The following MMP16 variants were observed in gnomAD, a reference collection of about 807,000 sequenced individuals.
MMP16 encodes the protein matrix metalloproteinase-16.
MMP16 carries 12 observed loss-of-function variants against 67.8 expected under a neutral mutation model. The ratio of observed to expected loss-of-function variants is 0.18; its 90% CI spans 0.11 to 0.29. The LOEUF (loss-of-function observed/expected upper bound fraction) is 0.29. Ranked by LOEUF, MMP16 falls within the 10% of genes least tolerant of loss-of-function variation. The pLI, the probability that MMP16 is intolerant of heterozygous loss-of-function variation, is 1.00. For synonymous variants in MMP16, 249 were observed against 255.9 expected (o/e 0.97, Z 0.26); for missense variants, 475 against 765.7 (o/e 0.62, Z 4.48).
chr8:88,293,609 T>G (rs1444215653), intron 1 of MMP16, among the ~76,000 whole-genome samples: 2 of 152,010 alleles, frequency 1.3e-5, no homozygotes, highest in Non-Finnish European at 2.9e-5. Flanking sequence ...GAAATCCTTT[T>G]TAAACATATA....
chr8:88,196,911 A>G (rs1339701434), intron 2 of MMP16, among the ~76,000 whole-genome samples: 1 of 85,442 alleles, frequency 1.2e-5, no homozygotes, highest in Non-Finnish European at 3.7e-5. Flanking sequence ...CTACCTCAAC[A>G]TTTCATTCAT....
rs79028136 is a variant in MMP16 at position 88,234,945 on chromosome 8, C to A, written c.133-37639G>T. On this transcript the variant is annotated intron_variant, in intron 1 of 9. Transcript: ENST00000286614. ...ATGGATCAGGTGTTATTAACCCCAG[C>A]GAGGGCTTCAAAAGGTCCAACTCCC... 8.9e-3 allele frequency among the ~76,000 whole-genome samples: 1,352 copies of A among 152,228 alleles called. 20 individuals carry two copies. The highest frequency in any genetic ancestry group is 0.031 in the African/African-American group (1,293 of 41,526).
chr8:88,312,421 A>G (rs1811309462), intron 1 of MMP16, among the ~76,000 whole-genome samples: 2 of 152,196 alleles, frequency 1.3e-5, no homozygotes, highest in Admixed American at 1.3e-4. Flanking sequence ...GGTTACTAAG[A>G]ACCGGATTAT....
At chr8:88,177,782 A>T (rs1808916671) in intron 3 of MMP16, among the ~76,000 whole-genome samples, 2 of 152,158 alleles carry the variant, frequency 1.3e-5, no homozygotes, top group African/African-American at 4.8e-5. Context: ...AGCCTAATAG[A>T]CTTGTCAGAA....
intron 2 of MMP16, among the ~76,000 whole-genome samples, chr8:88,188,141 A>G (rs1297701867): frequency 6.6e-6 from 1 of 152,228 alleles, no homozygotes; most frequent in African/African-American, 2.4e-5. Flanking sequence ...AGAATTAACA[A>G]ATAAATATTA....
At chr8:88,255,767 A>T (rs1163830090) in intron 1 of MMP16, among the ~76,000 whole-genome samples, 2 of 152,192 alleles carry the variant, frequency 1.3e-5, no homozygotes, top group Non-Finnish European at 2.9e-5. Context: ...GGTGCATGAA[A>T]CATATCAGAC....
At chr8:88,089,371 T>C (rs1188462820) in intron 6 of MMP16, among the ~76,000 whole-genome samples, 3 of 151,974 alleles carry the variant, frequency 2.0e-5, no homozygotes, top group East Asian at 1.9e-4. Flanking sequence ...ACATATCTTC[T>C]TGGTAAAAGG....
At chr8:88,199,702 A>AAT (rs1431628471) in intron 1 of MMP16, among the ~76,000 whole-genome samples, 2 of 151,950 alleles carry the variant, frequency 1.3e-5, no homozygotes, top group Admixed American at 6.6e-5. Context: ...TTGAGATATA[A>AAT]ATATATATGT....
chr8:88,200,906 T>C (rs1186629601), intron 1 of MMP16, among the ~76,000 whole-genome samples: 1 of 151,962 alleles, frequency 6.6e-6, no homozygotes, highest in East Asian at 1.9e-4. Flanking sequence ...TTAAAATATG[T>C]ATCCTTATTT....
chr8:88,217,841 T>G (rs372778606), intron 1 of MMP16, among the ~76,000 whole-genome samples: 3 of 152,088 alleles, frequency 2.0e-5, no homozygotes, highest in African/African-American at 7.2e-5. Context: ...ATAAATCACA[T>G]GGCTGAGCCA....
intron 1 of MMP16, among the ~76,000 whole-genome samples, chr8:88,284,836 CTTTT>C (rs757759799): frequency 1.4e-5 from 2 of 142,834 alleles, no homozygotes; most frequent in African/African-American, 5.1e-5. Context: ...TTCTCTATGC[CTTTT>C]TTTTTTTTTT....
chr8:88,260,562 T>G (rs574523585), intron 1 of MMP16, among the ~76,000 whole-genome samples: 9 of 152,178 alleles, frequency 5.9e-5, no homozygotes, highest in African/African-American at 2.2e-4. Context: ...ATATTATCTC[T>G]CCATAGTCTA....
chr8:88,074,514 G>A (rs568556587), intron 7 of MMP16, 91 bp downstream of exon 7: 3 of 1,147,680 alleles, frequency 2.6e-6, no homozygotes, highest in East Asian at 2.6e-5. Context: ...CATAGGCTAT[G>A]TAATCTCATT....
At chr8:88,304,984 A>G (rs531911975) in intron 1 of MMP16, among the ~76,000 whole-genome samples, 2 of 152,308 alleles carry the variant, frequency 1.3e-5, no homozygotes, top group South Asian at 2.1e-4. Flanking sequence ...CATGCCCCCA[A>G]TTAAAAAACA....
At chr8:88,210,336 CA>C (rs1809494075) in intron 1 of MMP16, among the ~76,000 whole-genome samples, 1 of 152,092 alleles carries the variant, frequency 6.6e-6, no homozygotes, top group Admixed American at 6.6e-5. Flanking sequence ...TCTGTATTTC[CA>C]TCTGTTTTAT....
At chr8:88,308,927 A>G (rs1483168305) in intron 1 of MMP16, among the ~76,000 whole-genome samples, 5 of 152,062 alleles carry the variant, frequency 3.3e-5, no homozygotes. Context: ...TAAAAAATGC[A>G]AATAGTTTAA....
rs1809128215 is a variant in MMP16, at chr8:88,189,277, C to A, written c.282-2679G>T. Among the ~76,000 whole-genome samples, 3 of 152,168 alleles carry A rather than the reference C, an allele frequency of 2.0e-5. No individual in the cohort carries two copies. The South Asian group carries it at 6.2e-4, about 31-fold the overall frequency. ...ATATAATGGGGTAAGTGCTGTCACA[C>A]CTCCATCTAGATATCCTGTCATCAG... On this transcript the variant is annotated intron_variant, in intron 2 of 9. Coordinates refer to ENST00000286614, the MANE Select transcript of MMP16 (RefSeq NM_005941.5).
chr8:88,190,979 G>A (rs981538468), intron 2 of MMP16, among the ~76,000 whole-genome samples: 1 of 152,052 alleles, frequency 6.6e-6, no homozygotes, highest in African/African-American at 2.4e-5. Flanking sequence ...ATGGGGAAGG[G>A]GCACTGCAAC....
chr8:88,294,112 A>G (rs1171834052), intron 1 of MMP16, among the ~76,000 whole-genome samples: 2 of 151,902 alleles, frequency 1.3e-5, no homozygotes, highest in African/African-American at 2.4e-5. Flanking sequence ...TATAAATTCC[A>G]ATATTCCATT....
Sources: allele counts gnomAD v4.1 joint callset (sites outside exome capture counted in the v4.1 genomes callset), GRCh38; gene constraint gnomAD v4.1.1; transcripts MANE v1.5; gene names NCBI Gene and HGNC (gene_info 2026-07-23, HGNC 2026-07-21).